RSU1: variants seen among roughly 807,000 people sequenced by gnomAD.
RSU1 encodes the protein Ras suppressor protein 1, also known as rsu-1.
RSU1 carries 26 observed loss-of-function variants against 31.1 expected under a neutral mutation model. That is an observed-to-expected ratio of 0.84 (90% CI 0.61 to 1.16). The LOEUF is 1.16. Ranked by LOEUF, RSU1 falls within the 50% of genes most tolerant of loss-of-function variation. RSU1 has a pLI of 0.00. For synonymous variants in RSU1, 164 were observed against 136.3 expected (o/e 1.20, Z -1.41); for missense variants, 320 against 339.1 (o/e 0.94, Z 0.44).
chr10:16,758,356 A>T (rs1264724322), intron 4 of RSU1, among the ~76,000 whole-genome samples: 2 of 152,162 alleles, frequency 1.3e-5, no homozygotes, highest in Non-Finnish European at 2.9e-5. Flanking sequence ...CCCTCCCTCC[A>T]GCAGGTGCTA....
intron 7 of RSU1, among the ~76,000 whole-genome samples, chr10:16,714,850 T>C (rs4747283): frequency 0.44 from 66,972 of 152,018 alleles, 15,490 homozygotes; most frequent in East Asian, 0.77. Flanking sequence ...GGGTCCTCAA[T>C]GTGGACACTG....
chr10:16,748,922 T>G (rs1357111133), intron 7 of RSU1, among the ~76,000 whole-genome samples: 3 of 149,600 alleles, frequency 2.0e-5, no homozygotes, highest in Non-Finnish European at 4.4e-5. Flanking sequence ...CTCTCTCTCT[T>G]TCTTCTGTCT....
intron 8 of RSU1, among the ~76,000 whole-genome samples, chr10:16,607,924 A>G (rs1316594413): frequency 6.6e-6 from 1 of 152,124 alleles, no homozygotes; most frequent in East Asian, 1.9e-4. Flanking sequence ...GTGCATTGGA[A>G]CATTATCAGC....
Position 16,793,904 on chromosome 10 carries a change from T to C in RSU1, c.110-11820A>G, listed in dbSNP as rs983993626. Among the ~76,000 whole-genome samples the C allele has an allele frequency of 2.0e-5, 3 of 151,344 alleles. No homozygotes were observed. The Admixed American group carries it at 2.0e-4, about 10-fold the overall frequency. On this transcript the variant is annotated intron_variant, in intron 2 of 8. Transcript: ENST00000345264. ...TTCTTTTCCAGGGTCTGTGAGGGTG[T>C]TTCCAGAAGAGATTAGCATTTGAAT... is the stretch of plus-strand genomic sequence containing the variant.
intron 8 of RSU1, among the ~76,000 whole-genome samples, chr10:16,593,808 G>A (rs1219389921): frequency 6.6e-6 from 1 of 152,214 alleles, no homozygotes; most frequent in Non-Finnish European, 1.5e-5. Context: ...TAAGTCGACA[G>A]TGATAAAAAT....
At chr10:16,788,051 C>A (rs1442637911) in intron 2 of RSU1, among the ~76,000 whole-genome samples, 2 of 152,140 alleles carry the variant, frequency 1.3e-5, no homozygotes, top group African/African-American at 4.8e-5. Flanking sequence ...GTCCACCAGA[C>A]AAAGCATTGC....
At chr10:16,648,132 A>ATTTTTTTTTTTTT (rs1554763091) in intron 8 of RSU1, among the ~76,000 whole-genome samples, 1 of 133,546 alleles carries the variant, frequency 7.5e-6, no homozygotes. Context: ...AAAAAAAAAA[A>ATTTTTTTTTTTTT]TTTTTTTTTT....
intron 8 of RSU1, among the ~76,000 whole-genome samples, chr10:16,613,460 T>G (rs988786904): frequency 3.3e-5 from 5 of 152,314 alleles, no homozygotes; most frequent in African/African-American, 9.6e-5. Context: ...CCACTCTAAC[T>G]TGGTGTAGGG....
intron 2 of RSU1, among the ~76,000 whole-genome samples, chr10:16,788,219 G>C (rs1203916416): frequency 6.6e-6 from 1 of 152,206 alleles, no homozygotes; most frequent in East Asian, 1.9e-4. Flanking sequence ...CACAAAACAG[G>C]AGTTTCTCTC....
At chr10:16,658,680 C>T (rs1370325255) in intron 8 of RSU1, among the ~76,000 whole-genome samples, 12 of 152,124 alleles carry the variant, frequency 7.9e-5, no homozygotes, top group African/African-American at 1.9e-4. Context: ...GCTGAGATCG[C>T]GCCACTGACC....
chr10:16,650,576 C>CTT (rs139231306), intron 8 of RSU1, among the ~76,000 whole-genome samples: 5,445 of 112,460 alleles, frequency 0.048, 303 homozygotes, highest in East Asian at 0.11. Flanking sequence ...TCCTGAAAAG[C>CTT]TTTTTTTTTT....
chr10:16,786,023 A>C (rs77881953), intron 2 of RSU1, among the ~76,000 whole-genome samples: 4,836 of 152,144 alleles, frequency 0.032, 179 homozygotes, highest in East Asian at 0.082. Flanking sequence ...GATTGTAACA[A>C]CTGTGGCCAC....
At chr10:16,790,036 A>G (rs1481555861) in intron 2 of RSU1, among the ~76,000 whole-genome samples, 5 of 152,058 alleles carry the variant, frequency 3.3e-5, no homozygotes, top group Non-Finnish European at 5.9e-5. Context: ...AATGGGAGGG[A>G]AGCATTTGTG....
At chr10:16,648,957 G>T (rs1171346583) in intron 8 of RSU1, among the ~76,000 whole-genome samples, 1 of 152,100 alleles carries the variant, frequency 6.6e-6, no homozygotes, top group East Asian at 1.9e-4. Context: ...AAAGACTTCT[G>T]TGGTATATTC....
Position 16,723,252 on chromosome 10 carries a change from TTTAA to T in RSU1, c.599-28101_599-28098del, listed in dbSNP as rs1836319936. Reference sequence around the variant, plus strand: ...GTCAGACATAAAGGTTACATTTCTCTTTAATTATATAAGATCCAACGTTTTTTCA... The same window carrying T: ...GTCAGACATAAAGGTTACATTTCTCTTTATATAAGATCCAACGTTTTTTCA... On this transcript the variant is annotated intron_variant, in intron 7 of 8. Coordinates refer to ENST00000345264, the MANE Select transcript of RSU1 (RefSeq NM_012425.4). 2.6e-5 allele frequency: 4 copies of T among 152,272 alleles called. No homozygotes were observed. The South Asian group carries it at 8.3e-4, about 32-fold the overall frequency. The allele number at this position is 152,272 out of a possible 1,614,324, so 9.4% of individuals were successfully genotyped here.
intron 8 of RSU1, among the ~76,000 whole-genome samples, chr10:16,658,762 A>G (rs1201185859): frequency 6.6e-6 from 1 of 152,038 alleles, no homozygotes; most frequent in Non-Finnish European, 1.5e-5. Flanking sequence ...GGTGCTCGTT[A>G]AGAAGAACAG....
At position 16,752,603 on chromosome 10, in the gene RSU1, C is replaced by T. The variant is rs1554772070; in HGVS notation, c.534G>A (p.Glu178=). ...TGTGGAGCTCTTTAAGCTGGGTAAG[C>T]TCCCCGATTTCCTTAGGCAGCGAGA... ...DLISLPKEIG[E]LTQLKELHIQ... is the part of the protein sequence containing the mutation. The change falls in exon 7 of 9, where the codon GAG becomes GAA. Residue 178 remains glutamate (E), a synonymous_variant. Coordinates refer to ENST00000345264, the MANE Select transcript of RSU1 (RefSeq NM_012425.4). 6.2e-7 allele frequency: 1 copy of T among 1,614,126 alleles called. No homozygotes were observed. The highest frequency in any genetic ancestry group is 1.1e-5 in the South Asian group (1 of 91,086).
At chr10:16,668,747 C>G (rs961246560) in intron 8 of RSU1, among the ~76,000 whole-genome samples, 2 of 152,142 alleles carry the variant, frequency 1.3e-5, no homozygotes, top group East Asian at 1.9e-4. Flanking sequence ...TTTCCTAGAT[C>G]TGTAAATAAA....
rs555121285 is a variant in RSU1, at chr10:16,643,522, TCTC to T, written c.732-50029_732-50027del. On this transcript the variant is annotated intron_variant, in intron 8 of 8. Coordinates refer to ENST00000345264, the MANE Select transcript of RSU1 (RefSeq NM_012425.4). ...ATATTGGAACTCTTATTGCCTTACT[TCTC>T]CTCCTTCCAAGAATTAAAATGACAA... Among the ~76,000 whole-genome samples the T allele has an allele frequency of 4.6e-4, 70 of 152,258 alleles. 1 individual carries two copies. In the South Asian group the frequency reaches 0.014, roughly 30 times the overall value.
Sources: allele counts gnomAD v4.1 joint callset (sites outside exome capture counted in the v4.1 genomes callset), GRCh38; gene constraint gnomAD v4.1.1; transcripts MANE v1.5; gene names NCBI Gene and HGNC (gene_info 2026-07-23, HGNC 2026-07-21).